The following PCDHA1 variants were observed in gnomAD, a reference collection of about 807,000 sequenced individuals.
PCDHA1 encodes the protein protocadherin alpha 1, also known as protocadherin alpha-1.
A neutral mutation model predicts 61.3 loss-of-function variants in PCDHA1; 42 were observed. The ratio of observed to expected loss-of-function variants is 0.69; its 90% CI spans 0.54 to 0.89. PCDHA1 has a LOEUF of 0.89. Ranked by LOEUF, PCDHA1 falls within the 40% of genes least tolerant of loss-of-function variation. The pLI, the probability that PCDHA1 is intolerant of heterozygous loss-of-function variation, is 0.00. For synonymous variants in PCDHA1, 610 were observed against 553.8 expected (o/e 1.10, Z -1.43); for missense variants, 1,256 against 1,235.3 (o/e 1.02, Z -0.25).
intron 1 of PCDHA1, among the ~76,000 whole-genome samples, chr5:140,970,348 T>A (rs2096398928): frequency 6.6e-6 from 1 of 152,186 alleles, no homozygotes; most frequent in Admixed American, 6.5e-5. Context: ...ATTTTCTGGA[T>A]CTAAAATTTG....
chr5:140,801,344 G>T (rs1388952872), intron 1 of PCDHA1: 2 of 1,613,318 alleles, frequency 1.2e-6, no homozygotes, highest in Non-Finnish European at 1.7e-6. Context: ...GCCGCATCGC[G>T]CAGGACCTGG....
chr5:140,927,640 A>G (rs2084459027), intron 1 of PCDHA1: 8 of 1,614,138 alleles, frequency 5.0e-6, no homozygotes, highest in Non-Finnish European at 6.8e-6. Flanking sequence ...ACCCAATGGG[A>G]CTGTGTTATT....
chr5:140,872,477 A>G (rs968507113), intron 1 of PCDHA1, among the ~76,000 whole-genome samples: 3 of 152,118 alleles, frequency 2.0e-5, no homozygotes, highest in African/African-American at 7.2e-5. Flanking sequence ...AAATTAAAAA[A>G]TTAGCCAGAC....
At chr5:140,820,450 C>G (rs2150106988) in intron 1 of PCDHA1, among the ~76,000 whole-genome samples, 4 of 151,918 alleles carry the variant, frequency 2.6e-5, no homozygotes, top group Non-Finnish European at 5.9e-5. Flanking sequence ...CTCTTGGTCC[C>G]TCTTGTCTTC....
intron 1 of PCDHA1, chr5:140,801,152 C>T (rs3806845): frequency 0.54 from 825,541 of 1,530,972 alleles, 224,527 homozygotes; most frequent in African/African-American, 0.73. Flanking sequence ...TATTTTTAAA[C>T]TTTGGATCAA....
chr5:140,918,625 C>T (rs1365715302), intron 1 of PCDHA1, among the ~76,000 whole-genome samples: 2 of 152,086 alleles, frequency 1.3e-5, no homozygotes, highest in Non-Finnish European at 2.9e-5. Context: ...TTTGTGTTCC[C>T]CAAATTCATA....
At chr5:140,922,139 C>T (rs2080663133) in intron 1 of PCDHA1, among the ~76,000 whole-genome samples, 1 of 151,854 alleles carries the variant, frequency 6.6e-6, no homozygotes, top group South Asian at 2.1e-4. Flanking sequence ...TCTTATCCTC[C>T]ATGAAACTCA....
rs1359439804 is a variant in PCDHA1 at position 140,846,369 on chromosome 5, CTTTCTTTTTT to C, written c.2394+57689_2394+57698del. ...TTCTCTTTTTTCTTTTCTTTTCTTTCTTTCTTTTTTTTTTTTTTTTTTTGAGACGGAGTCT... is the reference window on the plus strand; with the variant it reads ...TTCTCTTTTTTCTTTTCTTTTCTTTCTTTTTTTTTTTTTGAGACGGAGTCT... On this transcript the variant is annotated intron_variant, in intron 1 of 3. Coordinates refer to ENST00000504120, the MANE Select transcript of PCDHA1 (RefSeq NM_018900.4). 7.0e-4 allele frequency among the ~76,000 whole-genome samples: 72 copies of C among 102,178 alleles called. 4 individuals are homozygous for C. The highest frequency in any genetic ancestry group is 2.6e-3 in the African/African-American group (68 of 26,232). The allele number at this position is 102,178 out of a possible 152,430, so 67.0% of individuals were successfully genotyped here.
chr5:140,850,702 A>AAG, intron 1 of PCDHA1: 1 of 1,598,166 alleles, frequency 6.3e-7, no homozygotes, highest in Non-Finnish European at 8.6e-7. Flanking sequence ...GCGCCTGGCA[A>AAG]GCCGACGCTG....
rs1762003651 is a variant in PCDHA1, at chr5:140,795,857, T to C, written c.2394+7173T>C. On this transcript the variant is annotated intron_variant, in intron 1 of 3. Coordinates refer to ENST00000504120, the MANE Select transcript of PCDHA1 (RefSeq NM_018900.4). The stretch of plus-strand genomic sequence containing the variant: ...CAGACTAAGTTTACCATAGATCCCA[T>C]CTCAGGGGAAATCAGAACTAAGGGA... 1.2e-6 allele frequency: 2 copies of C among 1,613,872 alleles called. No homozygotes were observed. Among genetic ancestry groups the C allele is most frequent in the East Asian group, 4.5e-5 (2 of 44,892 alleles).
chr5:140,835,928 C>G (rs2150248518), intron 1 of PCDHA1: 1 of 1,612,452 alleles, frequency 6.2e-7, no homozygotes, highest in Non-Finnish European at 8.5e-7. Context: ...CGGAGAGCGG[C>G]AAGGTGTACG....
intron 1 of PCDHA1, among the ~76,000 whole-genome samples, chr5:140,930,847 A>G (rs1411771257): frequency 6.6e-6 from 1 of 152,224 alleles, no homozygotes; most frequent in Non-Finnish European, 1.5e-5. Context: ...AAATATGTGC[A>G]TATATGAATT....
chr5:140,788,104 C>G lies in PCDHA1; in HGVS notation c.1814C>G (p.Ala605Gly). The G allele has an allele frequency of 6.2e-7, 1 of 1,613,982 alleles. No homozygotes were observed. Among genetic ancestry groups the G allele is most frequent in the Non-Finnish European group, 8.5e-7 (1 of 1,179,912 alleles). ...RAVDADSGYN[A>G]WLSYELQPAA... ...GTGGACGCCGACTCGGGCTACAACG[C>G]GTGGCTGTCCTATGAACTGCAGCCG... Residue 605 changes from alanine (A) to glycine (G), a missense_variant, in exon 1 of 4, where the codon GCG becomes GGG. Coordinates refer to ENST00000504120, the MANE Select transcript of PCDHA1 (RefSeq NM_018900.4).
chr5:140,953,444 G>C (rs2094887278), intron 1 of PCDHA1, among the ~76,000 whole-genome samples: 1 of 152,088 alleles, frequency 6.6e-6, no homozygotes, highest in South Asian at 2.1e-4. Context: ...GGAGAAACTA[G>C]GGATTATCTG....
intron 1 of PCDHA1, chr5:140,875,367 T>G: frequency 6.9e-7 from 1 of 1,449,166 alleles, no homozygotes; most frequent in Non-Finnish European, 9.1e-7. Flanking sequence ...CTGGAAAAAA[T>G]TTACTAAATA....
chr5:140,998,942 T>C (rs1435302179), intron 3 of PCDHA1, among the ~76,000 whole-genome samples: 4 of 152,222 alleles, frequency 2.6e-5, no homozygotes, highest in Non-Finnish European at 5.9e-5. Flanking sequence ...ATGAAGAAAC[T>C]GTAAGTCAAT....
chr5:140,939,967 C>T (rs527732118), intron 1 of PCDHA1, among the ~76,000 whole-genome samples: 8 of 152,210 alleles, frequency 5.3e-5, no homozygotes, highest in African/African-American at 1.7e-4. Context: ...AAGTGTTCCA[C>T]GATGAATAGT....
intron 1 of PCDHA1, chr5:140,823,119 C>T: frequency 6.2e-7 from 1 of 1,614,054 alleles, no homozygotes; most frequent in Non-Finnish European, 8.5e-7. Flanking sequence ...CCGACGTGAA[C>T]GACAACGCTC....
intron 3 of PCDHA1, among the ~76,000 whole-genome samples, chr5:140,982,908 C>A (rs1554244948): frequency 2.0e-5 from 3 of 151,668 alleles, no homozygotes; most frequent in Non-Finnish European, 2.9e-5. Flanking sequence ...GCCTTATGCA[C>A]AGAGATGACA....
Sources: allele counts gnomAD v4.1 joint callset (sites outside exome capture counted in the v4.1 genomes callset), GRCh38; gene constraint gnomAD v4.1.1; transcripts MANE v1.5; gene names NCBI Gene and HGNC (gene_info 2026-07-23, HGNC 2026-07-21).